MMS19: variants seen among roughly 807,000 people sequenced by gnomAD.
The protein encoded by MMS19 is MMS19 cytosolic iron-sulfur assembly component, also known as MMS19 nucleotide excision repair protein homolog.
In MMS19, 77 loss-of-function variants were observed where a neutral mutation model predicts 129.8. That is an observed-to-expected ratio of 0.59 (90% confidence interval 0.49 to 0.72). The LOEUF (loss-of-function observed/expected upper bound fraction) is 0.72, where lower values mean the gene tolerates loss of function less well. MMS19 is among the 30% of genes least tolerant of loss of function. MMS19 has a pLI of 0.00. For missense variants in MMS19, 1,168 were observed against 1,266.3 expected, an observed-to-expected ratio of 0.92 and a Z score of 1.18; for synonymous variants, 491 against 502.8, an observed-to-expected ratio of 0.98 and a Z score of 0.31.
At chr10:97,466,633 AT>A (rs762770672) in intron 15 of MMS19, 48 bp from the exon 16 acceptor site, 1 of 1,581,476 alleles carries the variant, frequency 6.3e-7, no homozygotes, top group African/African-American at 1.3e-5. Context: ...CCCTGCAGCC[AT>A]CACAACCCTT....
chr10:97,459,156 G>A (rs147728246), intron 29 of MMS19, 67 bp downstream of exon 29: 17,541 of 1,510,572 alleles, frequency 0.012, 124 homozygotes, highest in Non-Finnish European at 0.013. Flanking sequence ...ACCTGACTAA[G>A]GCAAAAAGGT....
rs1251997407 is a variant in MMS19 at position 97,459,253 on chromosome 10, C to A, written c.2934G>T (p.Met978Ile). The stretch of plus-strand genomic sequence containing the variant: ...GGGTGGGCAGGCGAGTGAGAGCATG[C>A]ATGCACTGCAGTGCGGCGATCCGGA... ...MAVRIAALQCMHALTRLPTPV... is the reference protein window; with the variant it reads ...MAVRIAALQCIHALTRLPTPV... The change falls in exon 29 of 31, where the codon ATG (methionine) becomes ATT (isoleucine). Residue 978 changes from methionine (M) to isoleucine (I), a missense_variant. Met to Ile is a conservative substitution (Grantham distance 10). Transcript: ENST00000438925. The A allele has an allele frequency of 6.2e-7, 1 of 1,613,124 alleles. No homozygotes were observed. Among genetic ancestry groups the A allele is most frequent in the Non-Finnish European group, 8.5e-7 (1 of 1,179,582 alleles).
intron 1 of MMS19, among the ~76,000 whole-genome samples, chr10:97,491,907 G>A (rs568698402): frequency 1.3e-5 from 2 of 152,164 alleles, no homozygotes; most frequent in East Asian, 1.9e-4. Context: ...CTGGGAGGCC[G>A]AGGTGGGTGG....
chr10:97,468,503 T>C (rs1470507901), intron 12 of MMS19, 97 bp from the exon 13 acceptor site: 2 of 1,203,384 alleles, frequency 1.7e-6, no homozygotes, highest in East Asian at 2.8e-5. Context: ...CCATGACAGT[T>C]TGCAAGCAGT....
intron 1 of MMS19, among the ~76,000 whole-genome samples, chr10:97,493,526 G>C (rs2039295586): frequency 6.6e-6 from 1 of 152,178 alleles, no homozygotes. Context: ...CTGCACTCCA[G>C]CTGGGGCAAC....
intron 1 of MMS19, among the ~76,000 whole-genome samples, chr10:97,486,862 CATATAT>C (rs148575472): frequency 0.065 from 5,569 of 85,084 alleles, 483 homozygotes; most frequent in East Asian, 0.1. Flanking sequence ...ATTAAAGTGC[CATATAT>C]ATATATATAT....
chr10:97,472,291 G>A (rs2034882723), intron 8 of MMS19, among the ~76,000 whole-genome samples: 1 of 152,232 alleles, frequency 6.6e-6, no homozygotes, highest in Non-Finnish European at 1.5e-5. Flanking sequence ...ACAAGCTGGA[G>A]TGCAATGGCA....
chr10:97,476,950 T>C lies in MMS19; in HGVS notation c.507A>G (p.Leu169=), dbSNP rs1219777793. Residue 169 remains leucine (L), a synonymous_variant, in exon 7 of 31, where the codon CTA becomes CTG. Transcript: ENST00000438925. Reference sequence around the variant, plus strand: ...TGAAGCCAAAGGTGAAGTCAGCTCCTAGGCTCTTTAGCTCTGGGAAGGAGA... The same window carrying C: ...TGAAGCCAAAGGTGAAGTCAGCTCCCAGGCTCTTTAGCTCTGGGAAGGAGA... ...MRTREEELKS[L]GADFTFGFIQ... The C allele has an allele frequency of 1.9e-6, 3 of 1,613,818 alleles. No individual in the cohort carries two copies. Among genetic ancestry groups the C allele is most frequent in the Admixed American group, 1.7e-5 (1 of 60,008 alleles).
intron 20 of MMS19, 133 bp downstream of exon 20, chr10:97,462,450 A>G (rs954150024): frequency 1.9e-5 from 13 of 692,306 alleles, no homozygotes; most frequent in Non-Finnish European, 3.3e-5. Context: ...TGTCAACAAA[A>G]CTTACAAGAC....
intron 1 of MMS19, among the ~76,000 whole-genome samples, chr10:97,492,880 C>T (rs913809981): frequency 6.9e-6 from 1 of 144,214 alleles, no homozygotes; most frequent in Non-Finnish European, 1.5e-5. Context: ...AAAAAAAAAG[C>T]CATATGTTCG....
At chr10:97,490,623 C>G (rs183931513) in intron 1 of MMS19, among the ~76,000 whole-genome samples, 3 of 152,272 alleles carry the variant, frequency 2.0e-5, no homozygotes, top group Admixed American at 2.0e-4. Context: ...TGTGCCAATG[C>G]TGGAAAAAGT....
chr10:97,469,817 G>A (rs1305766778), intron 10 of MMS19, 94 bp from the exon 11 acceptor site: 2 of 1,043,198 alleles, frequency 1.9e-6, no homozygotes, highest in Admixed American at 2.0e-5. Flanking sequence ...AGGAGCCCTG[G>A]TCTCAGCAGA....
intron 16 of MMS19, 87 bp downstream of exon 16, chr10:97,466,417 C>A: frequency 9.1e-7 from 1 of 1,104,898 alleles, no homozygotes; most frequent in South Asian, 1.3e-5. Flanking sequence ...GGGTCAGAAG[C>A]ACAGAGCCCT....
chr10:97,459,131 A>T (rs1456934914), intron 29 of MMS19, 92 bp downstream of exon 29: 1 of 1,233,218 alleles, frequency 8.1e-7, no homozygotes, highest in African/African-American at 1.5e-5. Context: ...ATTACACACC[A>T]GGGTGGCCAA....
chr10:97,493,798 T>A (rs2039350110), intron 1 of MMS19, among the ~76,000 whole-genome samples: 1 of 152,212 alleles, frequency 6.6e-6, no homozygotes, highest in South Asian at 2.1e-4. Flanking sequence ...GCAGATCACC[T>A]GAGGTCGGAA....
In MMS19 at chr10:97,458,736, A is replaced by G; in HGVS notation, c.3066-17T>C. The G allele has an allele frequency of 2.5e-6, 4 of 1,612,352 alleles. No individual in the cohort carries two copies. The highest frequency in any genetic ancestry group is 3.4e-6 in the Non-Finnish European group (4 of 1,179,088). ...AACAGAAACCTGTAGGCAAAAAGAA[A>G]GTTGGCAGCATTAGTGATGAGGCTC... On this transcript the variant is annotated splice_polypyrimidine_tract_variant and intron_variant, in intron 30 of 30. Transcript: ENST00000438925.
intron 14 of MMS19, 89 bp from the exon 15 acceptor site, chr10:97,466,990 AT>A (rs201602289): frequency 7.4e-3 from 9,978 of 1,347,166 alleles, no homozygotes; most frequent in Middle Eastern, 0.012. Flanking sequence ...CCTGGGGTAG[AT>A]TTTTTTTTTG....
At position 97,462,097 on chromosome 10, in the gene MMS19, G is replaced by A. The variant is rs1181324240; in HGVS notation, c.2035C>T (p.His679Tyr). 6.3e-7 allele frequency: 1 copy of A among 1,583,154 alleles called. No individual in the cohort carries two copies. Among genetic ancestry groups the A allele is most frequent in the Non-Finnish European group, 8.6e-7 (1 of 1,164,154 alleles). ...CCATCCAAGAAGAGGGGCACAATGT[G>A]TGTCACACTCTGGGCAGCTAACCTG... is the stretch of plus-strand genomic sequence containing the variant. ...SPELAAQSVT[H>Y]IVPLFLDGNV... The change falls in exon 21 of 31, where the codon CAC (histidine) becomes TAC (tyrosine). Residue 679 changes from histidine (H) to tyrosine (Y), a missense_variant. Coordinates refer to ENST00000438925, the MANE Select transcript of MMS19 (RefSeq NM_022362.5).
intron 1 of MMS19, among the ~76,000 whole-genome samples, chr10:97,495,217 A>T (rs2039570365): frequency 6.6e-6 from 1 of 152,220 alleles, no homozygotes; most frequent in Non-Finnish European, 1.5e-5. Flanking sequence ...TTAAACGTCC[A>T]GGGAGCAGTG....
Sources: allele counts gnomAD v4.1 joint callset (sites outside exome capture counted in the v4.1 genomes callset), GRCh38; gene constraint gnomAD v4.1.1; transcripts MANE v1.5; gene names NCBI Gene and HGNC (gene_info 2026-07-23, HGNC 2026-07-21).